ERI1: variants seen among roughly 807,000 people sequenced by gnomAD.
ERI1 encodes 3'-5' exoribonuclease 1.
ERI1 carries 39 observed loss-of-function variants against 39.7 expected under a neutral mutation model. That is an observed-to-expected ratio of 0.98 (90% CI 0.76 to 1.28). The LOEUF (loss-of-function observed/expected upper bound fraction) is 1.28. Ranked by LOEUF, ERI1 falls within the 50% of genes most tolerant of loss-of-function variation. ERI1 has a pLI of 0.00. For synonymous variants in ERI1, 204 were observed against 149.6 expected (o/e 1.36, Z -2.65); for missense variants, 581 against 416.9 (o/e 1.39, Z -3.43).
In ERI1 at chr8:9,098,474, C is replaced by T. The variant is rs146884199; in HGVS notation, n.300-17874C>T. On this transcript the variant is annotated intron_variant and non_coding_transcript_variant, in intron 3 of 3. Coordinates refer to the ERI1 transcript ENST00000518663. ...CAGAGGTTGCAGTGAGCCGAAATGGCGCCTTTGCACTCCAGCCTGGGTGAC... is the reference window on the plus strand; with the variant it reads ...CAGAGGTTGCAGTGAGCCGAAATGGTGCCTTTGCACTCCAGCCTGGGTGAC... Among the ~76,000 whole-genome samples, 304 of 152,286 alleles carry T rather than the reference C, an allele frequency of 2.0e-3. 5 individuals are homozygous for T. In the East Asian group the frequency reaches 0.049, roughly 25 times the overall value.
chr8:9,013,554 A>T (rs1816902695), intron 3 of ERI1, among the ~76,000 whole-genome samples: 1 of 151,962 alleles, frequency 6.6e-6, no homozygotes, highest in Admixed American at 6.6e-5. Context: ...TTCTCTGCTT[A>T]CATCCTTTCG....
downstream of ERI1, among the ~76,000 whole-genome samples, chr8:9,034,893 A>C (rs1163374844): frequency 2.6e-5 from 4 of 152,234 alleles, no homozygotes; most frequent in African/African-American, 9.6e-5. Flanking sequence ...TGCTCCAGTG[A>C]GCACACAAGT....
At chr8:9,051,234 T>C (rs1054583493) in intron 3 of ERI1, among the ~76,000 whole-genome samples, 1 of 151,828 alleles carries the variant, frequency 6.6e-6, no homozygotes, top group African/African-American at 2.4e-5. Flanking sequence ...AAGTCCACGG[T>C]TGAGGGACTG....
chr8:9,048,239 C>G (rs1798241039), intron 3 of ERI1, among the ~76,000 whole-genome samples: 1 of 152,066 alleles, frequency 6.6e-6, no homozygotes, highest in South Asian at 2.1e-4. Flanking sequence ...CACTGATTTG[C>G]TTCATCGATC....
At chr8:9,049,450 G>C (rs1396365350) in intron 3 of ERI1, among the ~76,000 whole-genome samples, 1 of 151,436 alleles carries the variant, frequency 6.6e-6, no homozygotes, top group Admixed American at 6.6e-5. Flanking sequence ...GGTTGCTGAG[G>C]TTGGGGTGAA....
chr8:9,075,041 C>G (rs10105813), intron 3 of ERI1, among the ~76,000 whole-genome samples: 51,494 of 152,058 alleles, frequency 0.34, 9,084 homozygotes, highest in African/African-American at 0.41. Flanking sequence ...TGAATCGTAT[C>G]TGAGCCAAAG....
chr8:9,039,143 T>G (rs1797942895), intron 3 of ERI1, among the ~76,000 whole-genome samples: 1 of 152,236 alleles, frequency 6.6e-6, no homozygotes, highest in Non-Finnish European at 1.5e-5. Context: ...AATTATTCAT[T>G]ATACCTGTTA....
intron 3 of ERI1, among the ~76,000 whole-genome samples, chr8:9,043,997 G>T (rs1408084144): frequency 2.6e-5 from 4 of 152,210 alleles, no homozygotes; most frequent in African/African-American, 9.6e-5. Context: ...ATTGGAATTA[G>T]ACCTGGGTTT....
Position 9,012,315 on chromosome 8 carries a change from G to A in ERI1, c.498+563G>A, listed in dbSNP as rs532447856. 7.8e-4 allele frequency among the ~76,000 whole-genome samples: 119 copies of A among 152,314 alleles called. 1 individual carries two copies. The highest frequency in any genetic ancestry group is 2.8e-3 in the African/African-American group (116 of 41,570). On this transcript the variant is annotated intron_variant, in intron 3 of 6. Transcript: ENST00000250263. The stretch of plus-strand genomic sequence containing the variant: ...TAAGCCAAATAATATGTGTGCTTTA[G>A]ATACTTGTCAGTGCTTTATTAGTTA...
At chr8:9,091,529 G>C (rs1042118368) in intron 3 of ERI1, 6 of 151,530 alleles carry the variant, frequency 4.0e-5, no homozygotes, top group African/African-American at 1.5e-4. Flanking sequence ...AAGAGTTCTT[G>C]CCATTATTTG....
chr8:9,071,016 C>T (rs569654201), intron 3 of ERI1, among the ~76,000 whole-genome samples: 18 of 152,316 alleles, frequency 1.2e-4, no homozygotes, highest in East Asian at 9.7e-4. Flanking sequence ...TCTATCTTCT[C>T]TCCACCCATT....
rs571116440 is a variant in ERI1, at chr8:9,032,417, A to C, written c.*2383A>C. 18 of 152,216 alleles carry C rather than the reference A, an allele frequency of 1.2e-4. No homozygotes were observed. Among genetic ancestry groups the C allele is most frequent in the Non-Finnish European group, 2.4e-4 (16 of 68,042 alleles). The allele number at this position is 152,216 out of a possible 1,614,324, so 9.4% of individuals were successfully genotyped here. ...CGCAATCTTTATAACCAACTGAAGT[A>C]TATAATAGAGCATTACATTTTATCT... On this transcript the variant is annotated 3_prime_UTR_variant, in exon 7 of 7. Coordinates refer to ENST00000250263, the MANE Select transcript of ERI1 (RefSeq NM_153332.4).
chr8:9,082,097 C>T (rs1799389716), intron 3 of ERI1, among the ~76,000 whole-genome samples: 1 of 152,108 alleles, frequency 6.6e-6, no homozygotes, highest in Non-Finnish European at 1.5e-5. Context: ...GCATGAATGG[C>T]AGATATTTCT....
At chr8:9,055,067 A>C (rs1362488656) in intron 3 of ERI1, among the ~76,000 whole-genome samples, 1 of 152,236 alleles carries the variant, frequency 6.6e-6, no homozygotes, top group African/African-American at 2.4e-5. Flanking sequence ...CAATTCGCGA[A>C]TCAGCAGCTG....
chr8:9,023,958 C>G (rs1239969899), intron 6 of ERI1, among the ~76,000 whole-genome samples: 5 of 151,912 alleles, frequency 3.3e-5, no homozygotes, highest in Non-Finnish European at 2.9e-5. Context: ...GCCACCACGT[C>G]TGGCTGATTT....
At chr8:9,065,840 T>G (rs1049453057) in intron 3 of ERI1, among the ~76,000 whole-genome samples, 1 of 152,158 alleles carries the variant, frequency 6.6e-6, no homozygotes, top group Non-Finnish European at 1.5e-5. Context: ...GATTCCTTTT[T>G]CCTCTCCTGT....
At chr8:9,076,902 G>T (rs1174249607) in intron 3 of ERI1, among the ~76,000 whole-genome samples, 1 of 152,240 alleles carries the variant, frequency 6.6e-6, no homozygotes, top group Non-Finnish European at 1.5e-5. Flanking sequence ...TGATGATTTA[G>T]AAGATAGAGA....
chr8:9,055,166 G>T (rs972160874), intron 3 of ERI1, among the ~76,000 whole-genome samples: 1 of 152,172 alleles, frequency 6.6e-6, no homozygotes, highest in East Asian at 1.9e-4. Context: ...ACAGAAAACG[G>T]AAGTGAGGCA....
At chr8:9,064,714 T>C (rs1798812413) in intron 3 of ERI1, among the ~76,000 whole-genome samples, 1 of 152,028 alleles carries the variant, frequency 6.6e-6, no homozygotes, top group Admixed American at 6.6e-5. Flanking sequence ...AGGTGGATCT[T>C]TTTCACGGAC....
Sources: gnomAD v4.1 joint callset for allele counts (sites outside exome capture counted in the v4.1 genomes callset) on GRCh38, gnomAD v4.1.1 for gene constraint, MANE v1.5 for transcripts, NCBI Gene and HGNC (gene_info 2026-07-23, HGNC 2026-07-21) for gene names.